The following TECTA variants were observed in gnomAD, a reference collection of about 807,000 sequenced individuals.
The protein encoded by TECTA is alpha-tectorin.
TECTA carries 128 observed loss-of-function variants against 216.8 expected under a neutral mutation model. That is an observed-to-expected ratio of 0.59 (90% CI 0.51 to 0.68). TECTA has a LOEUF of 0.68. Ranked by LOEUF, TECTA falls within the 30% of genes least tolerant of loss-of-function variation. The probability of loss-of-function intolerance (pLI) is 0.00; values close to 1 mark genes in which losing one functional copy is unlikely to be tolerated. For synonymous variants in TECTA, 1,089 were observed against 1,117.1 expected (o/e 0.97, Z 0.50); for missense variants, 2,551 against 2,786.2 (o/e 0.92, Z 1.90).
rs147517466 is a variant in TECTA at position 121,129,574 on chromosome 11, A to T, written c.2368-64A>T. The stretch of plus-strand genomic sequence containing the variant: ...AGGGCAGACCGTGTCTTTATCCCAC[A>T]GCCTAGGAAATGGAAAGTGCTCTGT... On this transcript the variant is annotated intron_variant, in intron 9 of 23. Coordinates refer to ENST00000392793, the MANE Select transcript of TECTA (RefSeq NM_005422.4). 555 of 1,549,230 alleles carry T rather than the reference A, an allele frequency of 3.6e-4. 3 individuals are homozygous for T. In the African/African-American group the frequency reaches 6.6e-3, roughly 18 times the overall value.
intron 10 of TECTA, among the ~76,000 whole-genome samples, chr11:121,134,293 G>A (rs912206474): frequency 1.4e-5 from 2 of 147,858 alleles, no homozygotes; most frequent in African/African-American, 5.0e-5. Context: ...TTGCCTCTAG[G>A]TCCTTTCAAC....
intron 20 of TECTA, among the ~76,000 whole-genome samples, chr11:121,176,938 C>T (rs1214752077): frequency 6.6e-6 from 1 of 152,208 alleles, no homozygotes; most frequent in Non-Finnish European, 1.5e-5. Flanking sequence ...TCTTCCATCA[C>T]TGATACCCTT....
intron 6 of TECTA, among the ~76,000 whole-genome samples, chr11:121,117,905 G>A (rs893106340): frequency 2.0e-5 from 3 of 152,220 alleles, no homozygotes; most frequent in African/African-American, 4.8e-5. Flanking sequence ...AGTGAGTGTT[G>A]CCGAGTAACC....
chr11:121,113,599 G>T lies in TECTA; in HGVS notation c.671G>T (p.Gly224Val). The T allele has an allele frequency of 6.2e-7, 1 of 1,613,760 alleles. No homozygotes were observed. Among genetic ancestry groups the T allele is most frequent in the Non-Finnish European group, 8.5e-7 (1 of 1,179,976 alleles). Residue 224 changes from glycine to valine, a missense_variant, in exon 6 of 24, where the codon GGG becomes GTG. Coordinates refer to ENST00000392793, the MANE Select transcript of TECTA (RefSeq NM_005422.4). This position sits in a 1 kb window ranked among gnomAD's most constrained non-coding sequence, Gnocchi z 4.2. ...CTCACCAATTTCTTCAGCCTCCCGG[G>T]GTCAAGAACCCCCGAGATCGTGAAT... ...GNLTNFFSLPGSRTPEIVNIQ... is the reference protein window; with the variant it reads ...GNLTNFFSLPVSRTPEIVNIQ...
At position 121,128,127 on chromosome 11, in the gene TECTA, A is replaced by G; in HGVS notation, c.2150A>G (p.Gln717Arg). ...CGGGAGACCGTGTGCCTGCTCAGCC[A>G]GAACCAGGTGCTGCACACCTTTGAC... is the stretch of plus-strand genomic sequence containing the variant. ...PKRETVCLLSQNQVLHTFDGA... is the reference protein window; with the variant it reads ...PKRETVCLLSRNQVLHTFDGA... The change falls in exon 9 of 24, where the codon CAG becomes CGG. Residue 717 changes from glutamine to arginine, a missense_variant. Around this residue, in one of 3 missense-constraint regions of TECTA, gnomAD observed 2,375 missense variants for 2,563.9 expected, o/e 0.93. Coordinates refer to ENST00000392793, the MANE Select transcript of TECTA (RefSeq NM_005422.4). The G allele has an allele frequency of 1.2e-6, 2 of 1,613,054 alleles. No individual in the cohort carries two copies. Among genetic ancestry groups the G allele is most frequent in the Non-Finnish European group, 1.7e-6 (2 of 1,180,032 alleles).
chr11:121,127,790 G>C lies in TECTA; in HGVS notation c.1813G>C (p.Val605Leu). 2 of 1,614,114 alleles carry C rather than the reference G, an allele frequency of 1.2e-6. No individual in the cohort carries two copies. Among genetic ancestry groups the C allele is most frequent in the African/African-American group, 1.3e-5 (1 of 75,042 alleles). Reference protein sequence around the residue: ...VQCPSFSHYSVCTSSCPDTCS... With the variant: ...VQCPSFSHYSLCTSSCPDTCS... The stretch of plus-strand genomic sequence containing the variant: ...GTGCCCGAGCTTCAGCCACTACTCC[G>C]TGTGCACAAGCAGCTGCCCCGACAC... The change falls in exon 9 of 24, where the codon GTG becomes CTG. Residue 605 changes from valine to leucine, a missense_variant. Around this residue, in one of 3 missense-constraint regions of TECTA, gnomAD observed 2,375 missense variants for 2,563.9 expected, o/e 0.93. Transcript: ENST00000392793. The surrounding 1 kb of genome is among the most constrained non-coding windows in gnomAD (Gnocchi z 5.0).
chr11:121,160,452 T>G, intron 15 of TECTA, 31 bp downstream of exon 15: 2 of 1,603,434 alleles, frequency 1.2e-6, no homozygotes, highest in Non-Finnish European at 1.7e-6. Flanking sequence ...GCCACTAGAC[T>G]TGGTGGCCCA....
intron 20 of TECTA, among the ~76,000 whole-genome samples, chr11:121,183,929 A>G (rs983809170): frequency 1.8e-4 from 28 of 152,178 alleles, no homozygotes; most frequent in African/African-American, 6.5e-4. Context: ...CTGGGACTAC[A>G]GGCACACACC....
chr11:121,108,623 C>T (rs966459673), intron 3 of TECTA, among the ~76,000 whole-genome samples: 1 of 149,850 alleles, frequency 6.7e-6, no homozygotes, highest in East Asian at 2.0e-4. Context: ...CACACACACT[C>T]CCCACCCCAG....
chr11:121,188,970 C>A, intron 21 of TECTA, 110 bp from the exon 22 acceptor site: 1 of 1,053,526 alleles, frequency 9.5e-7, no homozygotes, highest in Non-Finnish European at 1.5e-6. Context: ...ATCTGAGCCT[C>A]CATAATGCTT....
intron 20 of TECTA, among the ~76,000 whole-genome samples, chr11:121,186,423 G>A (rs1307776313): frequency 6.6e-6 from 1 of 152,204 alleles, no homozygotes; most frequent in African/African-American, 2.4e-5. Flanking sequence ...AAGAAAGCCA[G>A]CCAGATAGCC....
In TECTA at chr11:121,145,872, C is replaced by A; in HGVS notation, c.3861C>A (p.Ser1287=). The change falls in exon 12 of 24, where the codon TCC becomes TCA. Residue 1287 remains serine (S), a synonymous_variant. Transcript: ENST00000392793. ...TGGGCTGTGGGGACCGCTGTCCGTC[C>A]TGTGCCAAGGTGGAAGGTTTCTCCA... ...CQVGCGDRCP[S]CAKVEGFSKV... The A allele has an allele frequency of 6.2e-7, 1 of 1,614,260 alleles. No homozygotes were observed. Among genetic ancestry groups the A allele is most frequent in the Admixed American group, 1.7e-5 (1 of 60,030 alleles).
intron 10 of TECTA, among the ~76,000 whole-genome samples, chr11:121,136,109 C>T (rs1480704465): frequency 2.0e-5 from 3 of 152,088 alleles, no homozygotes; most frequent in Non-Finnish European, 2.9e-5. Flanking sequence ...CAGGTGTGTA[C>T]CACCACGCCT....
At position 121,113,138 on chromosome 11, in the gene TECTA, G is replaced by A. The variant is rs867836820; in HGVS notation, c.553G>A (p.Glu185Lys). 5 of 1,614,040 alleles carry A rather than the reference G, an allele frequency of 3.1e-6. No homozygotes were observed. Among genetic ancestry groups the A allele is most frequent in the Non-Finnish European group, 3.4e-6 (4 of 1,180,000 alleles). The change falls in exon 5 of 24, where the codon GAA (glutamate) becomes AAA (lysine). Residue 185 changes from glutamate (E) to lysine (K), a missense_variant. This residue lies in a region of TECTA where 2,375 missense variants were observed against 2,563.9 expected (regional missense o/e 0.93). Coordinates refer to ENST00000392793, the MANE Select transcript of TECTA (RefSeq NM_005422.4). The surrounding 1 kb of genome is among the most constrained non-coding windows in gnomAD (Gnocchi z 4.2). ...TACATTCACCCTCTTCAATTATTACGAAATCAACTGGACCACGGGGACGGC... is the reference window on the plus strand; with the variant it reads ...TACATTCACCCTCTTCAATTATTACAAAATCAACTGGACCACGGGGACGGC... Reference protein sequence around the residue: ...SYTFTLFNYYEINWTTGTASG... With the variant: ...SYTFTLFNYYKINWTTGTASG...
Position 121,128,020 on chromosome 11 carries a change from G to A in TECTA, c.2043G>A (p.Gly681=). 1 of 1,613,630 alleles carries A rather than the reference G, an allele frequency of 6.2e-7. No homozygotes were observed. The highest frequency in any genetic ancestry group is 8.5e-7 in the Non-Finnish European group (1 of 1,179,908). The change falls in exon 9 of 24, where the codon GGG becomes GGA. Residue 681 remains glycine, a synonymous_variant. Coordinates refer to ENST00000392793, the MANE Select transcript of TECTA (RefSeq NM_005422.4). ...TGCAATGCCTGTGCGAGGAGGGCGG[G>A]GACGTCTACTGCTTCAACAAGACCT... ...CTVQCLCEEG[G]DVYCFNKTCG...
At chr11:121,119,437 C>G (rs1278786874) in intron 7 of TECTA, among the ~76,000 whole-genome samples, 1 of 152,084 alleles carries the variant, frequency 6.6e-6, no homozygotes, top group Non-Finnish European at 1.5e-5. Flanking sequence ...GCAAATGATT[C>G]CTGTCACTGT....
intron 20 of TECTA, among the ~76,000 whole-genome samples, chr11:121,176,535 A>G (rs1310523): frequency 0.52 from 46,236 of 89,088 alleles, 16,464 homozygotes; most frequent in African/African-American, 0.75. Context: ...AGTTTCTGCC[A>G]AGAGATCCGC....
Position 121,158,061 on chromosome 11 carries a change from G to A in TECTA, c.4526G>A (p.Cys1509Tyr), listed in dbSNP as rs754459767. 2 of 1,613,670 alleles carry A rather than the reference G, an allele frequency of 1.2e-6. No homozygotes were observed. Among genetic ancestry groups the A allele is most frequent in the East Asian group, 2.2e-5 (1 of 44,886 alleles). ...DGAFLRFPAN[C>Y]AFVLSTICQK... ...GCCTTCCTGCGCTTCCCAGCCAACT[G>A]CGCCTTCGTGCTGTCCACCATCTGC... The change falls in exon 14 of 24, where the codon TGC becomes TAC. Residue 1509 changes from cysteine (C) to tyrosine (Y), a missense_variant. This residue lies in a region of TECTA where 2,375 missense variants were observed against 2,563.9 expected (regional missense o/e 0.93). Coordinates refer to ENST00000392793, the MANE Select transcript of TECTA (RefSeq NM_005422.4).
rs1225739382 is a variant in TECTA at position 121,158,052 on chromosome 11, C to T, written c.4517C>T (p.Pro1506Leu). 1.2e-6 allele frequency: 2 copies of T among 1,613,474 alleles called. No individual in the cohort carries two copies. The highest frequency in any genetic ancestry group is 2.2e-5 in the East Asian group (1 of 44,898). Reference protein sequence around the residue: ...RTFDGAFLRFPANCAFVLSTI... With the variant: ...RTFDGAFLRFLANCAFVLSTI... ...TTCGACGGCGCCTTCCTGCGCTTCC[C>T]AGCCAACTGCGCCTTCGTGCTGTCC... Residue 1506 changes from proline (P) to leucine (L), a missense_variant, in exon 14 of 24, where the codon CCA (proline) becomes CTA (leucine). By Grantham distance (98) the Pro-to-Leu change is moderately conservative. Transcript: ENST00000392793.
Sources: allele counts gnomAD v4.1 joint callset (sites outside exome capture counted in the v4.1 genomes callset), GRCh38; gene constraint gnomAD v4.1.1; regional missense constraint gnomAD v4.1.1; non-coding constraint Gnocchi (gnomAD v3.1); transcripts MANE v1.5; gene names NCBI Gene and HGNC (gene_info 2026-07-23, HGNC 2026-07-21).